Variants in LMBRD2 observed in about 807,000 individuals in gnomAD.
LMBRD2 encodes LMBR1 domain containing 2, also known as G protein-coupled receptor-associated protein LMBRD2.
In LMBRD2, 55 loss-of-function variants were observed where a neutral mutation model predicts 94.4. That is an observed-to-expected ratio of 0.58 (90% confidence interval 0.47 to 0.73). The LOEUF (loss-of-function observed/expected upper bound fraction) is 0.73. Among genes scored for constraint, LMBRD2 ranks in the 30% least tolerant of loss-of-function variants. The pLI, the probability that LMBRD2 is intolerant of heterozygous loss-of-function variation, is 0.00. For synonymous variants in LMBRD2, 246 were observed against 272.4 expected (o/e 0.90, Z 0.95); for missense variants, 640 against 831.9 (o/e 0.77, Z 2.84).
intron 9 of LMBRD2, among the ~76,000 whole-genome samples, chr5:36,120,969 A>C (rs1286934350): frequency 6.6e-6 from 1 of 151,864 alleles, no homozygotes; most frequent in African/African-American, 2.4e-5. Flanking sequence ...TGGTCCTCAG[A>C]CTTTTCTCTT....
At chr5:36,141,323 CA>C (rs1356160354) in intron 3 of LMBRD2, 121 bp from the exon 4 acceptor site, 1 of 513,032 alleles carries the variant, frequency 1.9e-6, no homozygotes, top group Admixed American at 3.9e-5. Context: ...CTCTAATAAT[CA>C]ATAACCCATA....
chr5:36,129,254 G>C (rs1744078444), intron 6 of LMBRD2, among the ~76,000 whole-genome samples: 1 of 152,034 alleles, frequency 6.6e-6, no homozygotes, highest in African/African-American at 2.4e-5. Flanking sequence ...TCAAGCATGA[G>C]AAGATTATAG....
chr5:36,118,655 GTTT>G (rs755231683), intron 9 of LMBRD2, among the ~76,000 whole-genome samples: 1 of 142,474 alleles, frequency 7.0e-6, no homozygotes, highest in African/African-American at 2.6e-5. Context: ...TTGGTTTTTT[GTTT>G]TTTTTTTTTT....
intron 6 of LMBRD2, 109 bp downstream of exon 6, chr5:36,136,200 T>C: frequency 2.1e-6 from 2 of 969,886 alleles, no homozygotes; most frequent in Non-Finnish European, 3.3e-6. Flanking sequence ...ACACCAGTTT[T>C]GCAGTCTGAA....
At chr5:36,143,122 G>T in intron 2 of LMBRD2, 54 bp downstream of exon 2, 1 of 1,164,630 alleles carries the variant, frequency 8.6e-7, no homozygotes, top group Non-Finnish European at 1.2e-6. Context: ...TTTCCAACAT[G>T]CTGTATGATT....
At position 36,100,317 on chromosome 5, in the gene LMBRD2, C is replaced by A. The variant is rs928182169; in HGVS notation, c.*3729G>T. 2.6e-5 allele frequency: 4 copies of A among 152,034 alleles called. No individual in the cohort carries two copies. Among genetic ancestry groups the A allele is most frequent in the African/African-American group, 9.7e-5 (4 of 41,422 alleles). 9.4% of individuals were successfully genotyped at this position (152,034 alleles called of 1,614,324 possible). On this transcript the variant is annotated 3_prime_UTR_variant, in exon 18 of 18. Transcript: ENST00000296603. ...TAGTGACCTAAAAGATACACTGAGC[C>A]AGCATACTTTACATTTGTATTCAGA...
chr5:36,145,006 T>C (rs1321655958), intron 1 of LMBRD2, among the ~76,000 whole-genome samples: 1 of 152,204 alleles, frequency 6.6e-6, no homozygotes, highest in African/African-American at 2.4e-5. Flanking sequence ...TTTCCTTCAA[T>C]GCATTTATTC....
At chr5:36,106,453 T>G (rs1743468844) in intron 16 of LMBRD2, among the ~76,000 whole-genome samples, 1 of 151,958 alleles carries the variant, frequency 6.6e-6, no homozygotes, top group South Asian at 2.1e-4. Context: ...CTTATCATGC[T>G]TCTTCCCAGA....
intron 15 of LMBRD2, among the ~76,000 whole-genome samples, chr5:36,109,503 T>A (rs1420423383): frequency 6.6e-6 from 1 of 152,144 alleles, no homozygotes; most frequent in Non-Finnish European, 1.5e-5. Flanking sequence ...TACTCATTTT[T>A]TGCCTTTTCA....
intron 6 of LMBRD2, among the ~76,000 whole-genome samples, chr5:36,126,642 TTTTGAATGA>T (rs1744014159): frequency 6.6e-6 from 1 of 152,196 alleles, no homozygotes; most frequent in African/African-American, 2.4e-5. Flanking sequence ...AGCAAATACC[TTTTGAATGA>T]TTTGACATAG....
At chr5:36,147,705 G>T (rs1182246928) in intron 1 of LMBRD2, among the ~76,000 whole-genome samples, 1 of 152,022 alleles carries the variant, frequency 6.6e-6, no homozygotes, top group African/African-American at 2.4e-5. Flanking sequence ...AGTACTTTAC[G>T]GCTGATAATA....
At chr5:36,110,609 G>C (rs901729506) in intron 14 of LMBRD2, among the ~76,000 whole-genome samples, 5 of 151,996 alleles carry the variant, frequency 3.3e-5, no homozygotes, top group Non-Finnish European at 7.4e-5. Flanking sequence ...CTCAAGTAGG[G>C]AGAATGTCTA....
intron 4 of LMBRD2, among the ~76,000 whole-genome samples, chr5:36,138,776 T>C (rs1323259263): frequency 1.3e-5 from 2 of 152,258 alleles, no homozygotes; most frequent in Non-Finnish European, 2.9e-5. Context: ...GGAATCTGAA[T>C]TGAGAGACTT....
At chr5:36,123,051 T>A in intron 7 of LMBRD2, 90 bp from the exon 8 acceptor site, 3 of 1,256,694 alleles carry the variant, frequency 2.4e-6, no homozygotes, top group African/African-American at 3.2e-5. Context: ...TCTTGAGCAG[T>A]TCTAATTTTC....
At chr5:36,127,033 G>A (rs1013070614) in intron 6 of LMBRD2, among the ~76,000 whole-genome samples, 1 of 152,182 alleles carries the variant, frequency 6.6e-6, no homozygotes, top group Non-Finnish European at 1.5e-5. Flanking sequence ...ATTCAGTAGT[G>A]ATACCTCTCC....
At chr5:36,116,416 T>G in intron 11 of LMBRD2, 44 bp downstream of exon 11, 2 of 1,569,210 alleles carry the variant, frequency 1.3e-6, no homozygotes, top group Non-Finnish European at 1.7e-6. Flanking sequence ...AAGAATACAC[T>G]CAATGATGAC....
intron 6 of LMBRD2, among the ~76,000 whole-genome samples, chr5:36,135,546 T>G (rs988897181): frequency 6.6e-6 from 1 of 152,168 alleles, no homozygotes; most frequent in Non-Finnish European, 1.5e-5. Flanking sequence ...CAAATTATTT[T>G]TCTGTAGGCT....
rs536181234 is a variant in LMBRD2 at position 36,151,866 on chromosome 5, C to CAGCGGCTGA, written c.-377_-369dup. On this transcript the variant is annotated 5_prime_UTR_variant, in exon 1 of 18. Transcript: ENST00000296603. The surrounding 1 kb of genome is among the most constrained non-coding windows in gnomAD (Gnocchi z 4.7). ...GAGAAAGGAAAATCCGTCTACAGTC[C>CAGCGGCTGA]AGCGGCTGACATTTCCCAGTCAGCC... is the stretch of plus-strand genomic sequence containing the variant. The CAGCGGCTGA allele has an allele frequency of 1.4e-3, 386 of 273,430 alleles. 3 individuals are homozygous for CAGCGGCTGA. The highest frequency in any genetic ancestry group is 8.0e-3 in the African/African-American group (363 of 45,340). The allele number at this position is 273,430 out of a possible 1,614,324, so 16.9% of individuals were successfully genotyped here.
intron 9 of LMBRD2, among the ~76,000 whole-genome samples, chr5:36,120,067 C>CTT (rs1166616874): frequency 2.1e-5 from 3 of 140,894 alleles, no homozygotes; most frequent in African/African-American, 2.6e-5. Flanking sequence ...CTCTTTATTT[C>CTT]TTTTTTTTTT....
Sources: gnomAD v4.1 joint callset for allele counts (sites outside exome capture counted in the v4.1 genomes callset) on GRCh38, gnomAD v4.1.1 for gene constraint, Gnocchi (gnomAD v3.1) non-coding constraint, MANE v1.5 for transcripts, NCBI Gene and HGNC (gene_info 2026-07-23, HGNC 2026-07-21) for gene names.